Variants in MRC2 observed in about 807,000 individuals in gnomAD.
The protein encoded by MRC2 is mannose receptor C-type 2, also known as C-type mannose receptor 2.
Under a neutral mutation model 206.2 loss-of-function variants are expected in MRC2, and 84 were observed. The ratio of observed to expected loss-of-function variants is 0.41; its 90% CI spans 0.34 to 0.49. The LOEUF is 0.49. Ranked by LOEUF, MRC2 falls within the 20% of genes least tolerant of loss-of-function variation. The probability of loss-of-function intolerance (pLI) is 0.31; values close to 1 mark genes in which losing one functional copy is unlikely to be tolerated. For synonymous variants in MRC2, 798 were observed against 800.0 expected (o/e 1.00, Z 0.04); for missense variants, 1,676 against 2,001.5 (o/e 0.84, Z 3.10).
intron 17 of MRC2, 22 bp from the exon 18 acceptor site, chr17:62,681,040 C>T: frequency 1.2e-6 from 2 of 1,613,080 alleles, no homozygotes; most frequent in Non-Finnish European, 1.7e-6. Context: ...CCTACCCACA[C>T]CTGCCCGCCT....
At chr17:62,688,240 T>C (rs961379102) in intron 20 of MRC2, 49 bp from the exon 21 acceptor site, 2 of 1,556,092 alleles carry the variant, frequency 1.3e-6, no homozygotes, top group African/African-American at 2.7e-5. Flanking sequence ...TCTGGGTTTG[T>C]GGATGGGGTG....
chr17:62,665,747 CAG>C (rs1377455067), intron 2 of MRC2, among the ~76,000 whole-genome samples: 1 of 152,172 alleles, frequency 6.6e-6, no homozygotes, highest in Non-Finnish European at 1.5e-5. Flanking sequence ...TGTGGGGACA[CAG>C]AGCCCATGGG....
In MRC2 at chr17:62,690,319, C is replaced by T. The variant is rs575378850; in HGVS notation, c.3892+14C>T. The T allele has an allele frequency of 3.8e-6, 6 of 1,597,466 alleles. No homozygotes were observed. Among genetic ancestry groups the T allele is most frequent in the South Asian group, 3.3e-5 (3 of 89,894 alleles). On this transcript the variant is annotated intron_variant, in intron 26 of 29. Coordinates refer to ENST00000303375, the MANE Select transcript of MRC2 (RefSeq NM_006039.5). ...GCTGCCAGAGAGGTGGGTGACCAGG[C>T]CAGAGCCCACACATGGCGGGCAGGT...
chr17:62,631,299 G>A (rs2084214126), intron 1 of MRC2, among the ~76,000 whole-genome samples: 1 of 152,084 alleles, frequency 6.6e-6, no homozygotes, highest in South Asian at 2.1e-4. Context: ...GTCCTGTGCT[G>A]GCAGTAGCTC....
At chr17:62,681,186 C>T in intron 18 of MRC2, 57 bp downstream of exon 18, 1 of 1,577,436 alleles carries the variant, frequency 6.3e-7, no homozygotes, top group Non-Finnish European at 8.6e-7. Flanking sequence ...ACACACGGAG[C>T]ACAGAGGCAG....
intron 1 of MRC2, among the ~76,000 whole-genome samples, chr17:62,639,199 G>C (rs1043528448): frequency 3.0e-4 from 46 of 152,078 alleles, no homozygotes; most frequent in African/African-American, 1.1e-3. Context: ...AGCTGGGCGT[G>C]GTGGCACACT....
At chr17:62,639,555 C>A (rs1210813450) in intron 1 of MRC2, among the ~76,000 whole-genome samples, 1 of 152,098 alleles carries the variant, frequency 6.6e-6, no homozygotes, top group East Asian at 1.9e-4. Context: ...GTAAGAATTC[C>A]TATCCTTTGA....
intron 20 of MRC2, among the ~76,000 whole-genome samples, chr17:62,683,455 C>T (rs917421501): frequency 1.4e-5 from 2 of 142,444 alleles, no homozygotes; most frequent in African/African-American, 2.6e-5. Context: ...GCAACAAAAG[C>T]GAAACTCCGT....
At chr17:62,677,719 G>A (rs2088911801) in intron 12 of MRC2, among the ~76,000 whole-genome samples, 4 of 152,220 alleles carry the variant, frequency 2.6e-5, no homozygotes, top group African/African-American at 7.2e-5. Flanking sequence ...GTTGGGGCCA[G>A]CCTAGCTGTT....
intron 20 of MRC2, among the ~76,000 whole-genome samples, chr17:62,685,349 T>C (rs913401917): frequency 6.6e-6 from 1 of 152,190 alleles, no homozygotes; most frequent in Non-Finnish European, 1.5e-5. Context: ...AATAATATAA[T>C]TTCCTACCCA....
In MRC2 at chr17:62,666,832, C is replaced by T. The variant is rs763721017; in HGVS notation, c.935C>T (p.Ser312Leu). The change falls in exon 5 of 30, where the codon TCG (serine) becomes TTG (leucine). Residue 312 changes from serine to leucine, a missense_variant. This residue lies in a region of MRC2 where 1,354 missense variants were observed against 1,636.6 expected (regional missense o/e 0.83). Transcript: ENST00000303375. This position sits in a 1 kb window ranked among gnomAD's most constrained non-coding sequence, Gnocchi z 5.0. ...GACACGAGCGGAGGCTGGCAGTGGTCGGACAACTCGCCCCTCAAGTACCTC... is the reference window on the plus strand; with the variant it reads ...GACACGAGCGGAGGCTGGCAGTGGTTGGACAACTCGCCCCTCAAGTACCTC... ...DLDTSGGWQW[S>L]DNSPLKYLNW... 2.5e-6 allele frequency: 4 copies of T among 1,613,670 alleles called. No individual in the cohort carries two copies. The highest frequency in any genetic ancestry group is 1.1e-5 in the South Asian group (1 of 91,064).
intron 9 of MRC2, 88 bp downstream of exon 9, chr17:62,674,258 T>A: frequency 2.2e-6 from 2 of 903,990 alleles, no homozygotes; most frequent in South Asian, 1.7e-5. Context: ...TCCTGCTGCC[T>A]CGCATGGCAT....
In MRC2 at chr17:62,627,802, G is replaced by A. The variant is rs866996259; in HGVS notation, c.-1G>A. On this transcript the variant is annotated 5_prime_UTR_variant, in exon 1 of 30. Transcript: ENST00000303375. Reference sequence around the variant, plus strand: ...GCGTCCACTGAGCGCCGCGCTCGGGGATGGGGCCCGGCCGGCCGGCCCCCG... The same window carrying A: ...GCGTCCACTGAGCGCCGCGCTCGGGAATGGGGCCCGGCCGGCCGGCCCCCG... The A allele has an allele frequency of 2.2e-5, 31 of 1,433,570 alleles. 1 individual carries two copies. The highest frequency in any genetic ancestry group is 4.9e-4 in the Middle Eastern group (2 of 4,048). 88.8% of individuals were successfully genotyped at this position (1,433,570 alleles called of 1,614,324 possible). A position where few individuals can be genotyped will look rare whatever the true frequency, so the allele number is the denominator to read the frequency against.
Position 62,688,276 on chromosome 17 carries a change from C to T in MRC2, c.2947-13C>T, listed in dbSNP as rs2089057055. The T allele has an allele frequency of 6.8e-6, 11 of 1,612,640 alleles. No individual in the cohort carries two copies. Among genetic ancestry groups the T allele is most frequent in the Non-Finnish European group, 9.3e-6 (11 of 1,178,982 alleles). On this transcript the variant is annotated splice_polypyrimidine_tract_variant and intron_variant, in intron 20 of 29. Coordinates refer to ENST00000303375, the MANE Select transcript of MRC2 (RefSeq NM_006039.5). ...GTGGGGCTGGCCATTACATCCCCAC[C>T]TCTGCCCCACAGTGTTTTCAGGTCC...
chr17:62,661,543 T>C (rs1471466608), intron 1 of MRC2: 5 of 149,952 alleles, frequency 3.3e-5, no homozygotes, highest in African/African-American at 7.4e-5. Flanking sequence ...TCTTTTTCTT[T>C]CTTTCTCTTT....
chr17:62,691,496 G>A (rs754021929), intron 28 of MRC2, among the ~76,000 whole-genome samples: 1 of 152,128 alleles, frequency 6.6e-6, no homozygotes, highest in Non-Finnish European at 1.5e-5. Context: ...CCAGACTGAT[G>A]TGGTGGCTCA....
At position 62,666,986 on chromosome 17, in the gene MRC2, C is replaced by T. The variant is rs2088765149; in HGVS notation, c.973+116C>T. On this transcript the variant is annotated intron_variant, in intron 5 of 29. Coordinates refer to ENST00000303375, the MANE Select transcript of MRC2 (RefSeq NM_006039.5). The surrounding 1 kb of genome is among the most constrained non-coding windows in gnomAD (Gnocchi z 5.0). ...AGGGGCAGTGTGGGTAGGGGAAGCA[C>T]CGACCTCCACCCCCCTCCCCAGACT... The T allele has an allele frequency of 3.8e-6, 3 of 788,544 alleles. No individual in the cohort carries two copies. Among genetic ancestry groups the T allele is most frequent in the Non-Finnish European group, 6.3e-6 (3 of 479,474 alleles). 48.8% of individuals were successfully genotyped at this position (788,544 alleles called of 1,614,324 possible). A position where few individuals can be genotyped will look rare whatever the true frequency, so the allele number is the denominator to read the frequency against.
chr17:62,676,284 CG>C, intron 10 of MRC2, 98 bp from the exon 11 acceptor site: 1 of 1,465,664 alleles, frequency 6.8e-7, no homozygotes, highest in Non-Finnish European at 9.2e-7. Context: ...AGTTATTGGT[CG>C]GGTGCAGCAC....
rs370016982 is a variant in MRC2 at position 62,652,964 on chromosome 17, A to G, written c.119-11584A>G. On this transcript the variant is annotated intron_variant, in intron 1 of 29. Transcript: ENST00000303375. This position sits in a 1 kb window ranked among gnomAD's most constrained non-coding sequence, Gnocchi z 4.6. ...AGAGAAGACTCGGAACTCCAAGAGC[A>G]GGTGGATCTGGGAGCCCCAGATCCT... is the stretch of plus-strand genomic sequence containing the variant. 1.3e-5 allele frequency among the ~76,000 whole-genome samples: 2 copies of G among 151,968 alleles called. No individual in the cohort carries two copies. The highest frequency in any genetic ancestry group is 6.5e-5 in the Admixed American group (1 of 15,272).
Sources: gnomAD v4.1 joint callset for allele counts (sites outside exome capture counted in the v4.1 genomes callset) on GRCh38, gnomAD v4.1.1 for gene constraint, gnomAD v4.1.1 regional missense constraint, Gnocchi (gnomAD v3.1) non-coding constraint, MANE v1.5 for transcripts, NCBI Gene and HGNC (gene_info 2026-07-23, HGNC 2026-07-21) for gene names.